ABI1: variants seen among roughly 807,000 people sequenced by gnomAD.
ABI1 encodes abl interactor 1, also known as Abelson interactor 1.
A neutral mutation model predicts 54.6 loss-of-function variants in ABI1; 14 were observed. The observed-to-expected ratio is 0.26, with a 90% CI of 0.17 to 0.40. ABI1 has a LOEUF of 0.40. Ranked by LOEUF, ABI1 falls within the 10% of genes least tolerant of loss-of-function variation. The probability of loss-of-function intolerance (pLI) is 1.00; values close to 1 mark genes in which losing one functional copy is unlikely to be tolerated. For synonymous variants in ABI1, 194 were observed against 209.3 expected (o/e 0.93, Z 0.63); for missense variants, 443 against 598.3 (o/e 0.74, Z 2.71).
intron 1 of ABI1, among the ~76,000 whole-genome samples, chr10:26,832,220 G>A (rs1283001980): frequency 1.3e-5 from 2 of 152,080 alleles, no homozygotes; most frequent in Non-Finnish European, 2.9e-5. Flanking sequence ...AGTAGGGGAG[G>A]GGCAGTTACT....
intron 1 of ABI1, among the ~76,000 whole-genome samples, chr10:26,847,445 A>C (rs1408468901): frequency 6.6e-6 from 1 of 152,124 alleles, no homozygotes; most frequent in Non-Finnish European, 1.5e-5. Flanking sequence ...AACATGGTGA[A>C]ACCCTGTCCT....
At chr10:26,775,703 T>C (rs1048924299) in intron 3 of ABI1, among the ~76,000 whole-genome samples, 1 of 152,218 alleles carries the variant, frequency 6.6e-6, no homozygotes, top group Non-Finnish European at 1.5e-5. Context: ...TGTTTTGAAA[T>C]GTTAAACACA....
At chr10:26,802,797 C>T (rs960126878) in intron 2 of ABI1, among the ~76,000 whole-genome samples, 1 of 152,080 alleles carries the variant, frequency 6.6e-6, no homozygotes, top group Non-Finnish European at 1.5e-5. Context: ...AACCTCACAG[C>T]GAAGAAACCA....
rs1180346458 is a variant in ABI1 at position 26,823,276 on chromosome 10, C to T, written c.147G>A (p.Glu49=). 3 of 1,579,040 alleles carry T rather than the reference C, an allele frequency of 1.9e-6. No homozygotes were observed. The highest frequency in any genetic ancestry group is 2.6e-6 in the Non-Finnish European group (3 of 1,169,028). ...GAGATTGGGTTGTATAGGCTTTGGT[C>T]TCCTCTAAAGCTTTTCTCTTGTCTG... ...QATDKRKALE[E]TKAYTTQSLA... The change falls in exon 2 of 11, where the codon GAG becomes GAA. Residue 49 remains glutamate, a synonymous_variant. Transcript: ENST00000376140.
chr10:26,769,908 T>C (rs1400630662), intron 5 of ABI1, among the ~76,000 whole-genome samples: 1 of 152,232 alleles, frequency 6.6e-6, no homozygotes, highest in Non-Finnish European at 1.5e-5. Context: ...ATAGATACTG[T>C]AAACACATGC....
chr10:26,851,426 A>G (rs1418927308), intron 1 of ABI1, among the ~76,000 whole-genome samples: 4 of 142,104 alleles, frequency 2.8e-5, no homozygotes, highest in African/African-American at 1.1e-4. Flanking sequence ...CCTGGGCTCA[A>G]GCAATCCTCC....
At chr10:26,766,036 A>C (rs1306054198) in intron 6 of ABI1, among the ~76,000 whole-genome samples, 1 of 152,208 alleles carries the variant, frequency 6.6e-6, no homozygotes, top group Non-Finnish European at 1.5e-5. Flanking sequence ...TAGATACAAC[A>C]AAAGAGAAAG....
At chr10:26,858,467 T>C (rs1191114004) in intron 1 of ABI1, among the ~76,000 whole-genome samples, 3 of 145,276 alleles carry the variant, frequency 2.1e-5, no homozygotes, top group Non-Finnish European at 3.0e-5. Flanking sequence ...TTTTTTTTTT[T>C]CCAATATGAA....
chr10:26,816,014 A>T (rs2047539764), intron 2 of ABI1, among the ~76,000 whole-genome samples: 1 of 152,240 alleles, frequency 6.6e-6, no homozygotes, highest in African/African-American at 2.4e-5. Flanking sequence ...TAAGTAACAG[A>T]TGAGCATCAT....
At position 26,860,609 on chromosome 10, in the gene ABI1, TG is replaced by T; in HGVS notation, c.117+137del. ...CACTCGCTCTGTCCCCGGTTGGGGC[TG>T]GGGTTGGGGCTGCGGTAGGGGCTCG... On this transcript the variant is annotated intron_variant, in intron 1 of 10. Transcript: ENST00000376140. This position sits in a 1 kb window ranked among gnomAD's most constrained non-coding sequence, Gnocchi z 4.1. 1.4e-6 allele frequency: 1 copy of T among 690,170 alleles called. No individual in the cohort carries two copies. Among genetic ancestry groups the T allele is most frequent in the East Asian group, 2.5e-5 (1 of 39,358 alleles). 42.8% of individuals were successfully genotyped at this position (690,170 alleles called of 1,614,324 possible). A position where few individuals can be genotyped will look rare whatever the true frequency, so the allele number is the denominator to read the frequency against.
rs72629736 is a variant in ABI1 at position 26,849,373 on chromosome 10, G to C, written c.117+11374C>G. Among the ~76,000 whole-genome samples, 2,711 of 152,168 alleles carry C rather than the reference G, an allele frequency of 0.018. 189 individuals carry two copies. The South Asian group carries it at 0.19, about 11-fold the overall frequency. The stretch of plus-strand genomic sequence containing the variant: ...ACTTTAAAATGTTCTTGATGAAGCA[G>C]GAAAATTTATTAATTCTATTAAATC... On this transcript the variant is annotated intron_variant, in intron 1 of 10. Transcript: ENST00000376140.
chr10:26,796,328 A>T (rs1433357541), intron 2 of ABI1, among the ~76,000 whole-genome samples: 3 of 152,242 alleles, frequency 2.0e-5, no homozygotes, highest in Non-Finnish European at 2.9e-5. Flanking sequence ...ATCACACCAC[A>T]TAATAACAAT....
chr10:26,822,531 G>A (rs968798511), intron 2 of ABI1, among the ~76,000 whole-genome samples: 11 of 151,742 alleles, frequency 7.2e-5, no homozygotes, highest in African/African-American at 2.7e-4. Context: ...ATAAAAGAGT[G>A]AACTACTTTT....
intron 2 of ABI1, among the ~76,000 whole-genome samples, chr10:26,784,096 G>A (rs189685732): frequency 1.1e-4 from 17 of 152,276 alleles, no homozygotes; most frequent in African/African-American, 3.9e-4. Context: ...TTAGTGATCC[G>A]TCTTTTAGAA....
chr10:26,754,951 A>AC (rs59516945), intron 9 of ABI1, among the ~76,000 whole-genome samples: 1 of 110,080 alleles, frequency 9.1e-6, no homozygotes, highest in Non-Finnish European at 1.9e-5. Context: ...CTCCCCCCCC[A>AC]CAAAAAAAAA....
chr10:26,797,261 C>G (rs767412057), intron 2 of ABI1, among the ~76,000 whole-genome samples: 72 of 152,256 alleles, frequency 4.7e-4, no homozygotes, highest in Admixed American at 1.4e-3. Flanking sequence ...GAACAAGTTG[C>G]CTAAGCTCTT....
chr10:26,779,114 A>G (rs1277825669), intron 2 of ABI1, among the ~76,000 whole-genome samples: 1 of 152,222 alleles, frequency 6.6e-6, no homozygotes, highest in Non-Finnish European at 1.5e-5. Context: ...GACCATCATA[A>G]TTTTCTATAG....
chr10:26,821,601 C>T (rs2047987119), intron 2 of ABI1, among the ~76,000 whole-genome samples: 2 of 152,030 alleles, frequency 1.3e-5, no homozygotes, highest in African/African-American at 4.8e-5. Flanking sequence ...AATTCAAGAC[C>T]AGCCTGGCCA....
At chr10:26,785,057 C>T (rs1405663676) in intron 2 of ABI1, among the ~76,000 whole-genome samples, 1 of 152,184 alleles carries the variant, frequency 6.6e-6, no homozygotes, top group Admixed American at 6.5e-5. Context: ...ATATTGCAGT[C>T]TGGCCTCATC....
Sources: allele counts gnomAD v4.1 joint callset (sites outside exome capture counted in the v4.1 genomes callset), GRCh38; gene constraint gnomAD v4.1.1; non-coding constraint Gnocchi (gnomAD v3.1); transcripts MANE v1.5; gene names NCBI Gene and HGNC (gene_info 2026-07-23, HGNC 2026-07-21).